The following RASGRF1 variants were observed in gnomAD, a reference collection of about 807,000 sequenced individuals.
RASGRF1 encodes the protein Ras protein specific guanine nucleotide releasing factor 1.
Under a neutral mutation model 138.7 loss-of-function variants are expected in RASGRF1, and 40 were observed. The ratio of observed to expected loss-of-function variants is 0.29; its 90% CI spans 0.22 to 0.38. The LOEUF (loss-of-function observed/expected upper bound fraction) is 0.38. RASGRF1 is among the 10% of genes least tolerant of loss of function. The pLI, the probability that RASGRF1 is intolerant of heterozygous loss-of-function variation, is 1.00. For synonymous variants in RASGRF1, 614 were observed against 663.2 expected (o/e 0.93, Z 1.14); for missense variants, 1,108 against 1,650.4 (o/e 0.67, Z 5.69).
At chr15:78,983,963 C>A (rs2056092733) in intron 23 of RASGRF1, among the ~76,000 whole-genome samples, 1 of 152,096 alleles carries the variant, frequency 6.6e-6, no homozygotes, top group Non-Finnish European at 1.5e-5. Context: ...GCTGGAGTGA[C>A]CAGAAGGTGA....
intron 26 of RASGRF1, among the ~76,000 whole-genome samples, chr15:78,962,900 A>G (rs950373801): frequency 1.3e-5 from 2 of 152,064 alleles, no homozygotes; most frequent in South Asian, 4.2e-4. Context: ...TAAAATAAAA[A>G]GTTTTATAAT....
intron 14 of RASGRF1, chr15:79,005,777 C>G (rs1352069864): frequency 3.0e-6 from 1 of 338,886 alleles, no homozygotes; most frequent in Admixed American, 1.2e-4. Flanking sequence ...CTTTATTTTT[C>G]TTTCTCCCTC....
chr15:79,064,812 A>G (rs2057655282), intron 1 of RASGRF1: 1 of 436,220 alleles, frequency 2.3e-6, no homozygotes, highest in African/African-American at 2.0e-5. Flanking sequence ...GTTTGAAATC[A>G]TCAGGCGCGC....
chr15:78,983,728 C>A (rs142508641), intron 23 of RASGRF1, among the ~76,000 whole-genome samples: 1 of 152,248 alleles, frequency 6.6e-6, no homozygotes, highest in African/African-American at 2.4e-5. Context: ...CTTGCCTCCA[C>A]GAGTTCATGA....
intron 21 of RASGRF1, 50 bp downstream of exon 21, chr15:78,991,641 G>A (rs60761584): frequency 1.4e-6 from 2 of 1,467,326 alleles, no homozygotes; most frequent in East Asian, 2.3e-5. Flanking sequence ...TGCTGTCCAA[G>A]ACAGTGCCTG....
At chr15:78,987,317 AG>A (rs1202313722) in intron 22 of RASGRF1, among the ~76,000 whole-genome samples, 1 of 123,222 alleles carries the variant, frequency 8.1e-6, no homozygotes, top group East Asian at 2.5e-4. Context: ...TTAGCACCCA[AG>A]GAATAAAAGA....
intron 13 of RASGRF1, among the ~76,000 whole-genome samples, chr15:79,012,843 T>C (rs2056821994): frequency 6.6e-6 from 1 of 152,100 alleles, no homozygotes; most frequent in African/African-American, 2.4e-5. Context: ...CCACCAGGCC[T>C]GGCTAATTTT....
At chr15:78,980,947 G>A in intron 23 of RASGRF1, 1 of 357,584 alleles carries the variant, frequency 2.8e-6, no homozygotes, top group Non-Finnish European at 5.1e-6. Flanking sequence ...AGGGACCTGA[G>A]TGTGGATTTG....
intron 2 of RASGRF1, among the ~76,000 whole-genome samples, chr15:79,059,225 TTCCCTTCCC>T: frequency 1.5e-5 from 1 of 66,120 alleles, no homozygotes; most frequent in Non-Finnish European, 2.8e-5. Flanking sequence ...TTCCCTATCC[TTCCCTTCCC>T]TTCCCTTCCC....
At chr15:79,047,874 G>A (rs2057375840) in intron 4 of RASGRF1, among the ~76,000 whole-genome samples, 1 of 152,210 alleles carries the variant, frequency 6.6e-6, no homozygotes, top group African/African-American at 2.4e-5. Flanking sequence ...TTCACTGAAA[G>A]GACCGCTGTC....
At chr15:78,971,100 G>A (rs16970374) in intron 26 of RASGRF1, among the ~76,000 whole-genome samples, 14,750 of 152,094 alleles carry the variant, frequency 0.097, 1,152 homozygotes, top group African/African-American at 0.2. Context: ...TGTCTACCCC[G>A]ACCAGGAAAA....
At chr15:78,990,932 C>T (rs765423293) in intron 21 of RASGRF1, among the ~76,000 whole-genome samples, 7 of 152,248 alleles carry the variant, frequency 4.6e-5, no homozygotes, top group Non-Finnish European at 8.8e-5. Flanking sequence ...CACGAGGCAG[C>T]ACCCATGCTG....
chr15:79,058,281 G>C, intron 3 of RASGRF1, 53 bp downstream of exon 3: 4 of 1,580,064 alleles, frequency 2.5e-6, no homozygotes, highest in Non-Finnish European at 3.4e-6. Context: ...CAGGAGCCCA[G>C]GGTTTGAGAT....
Position 79,050,727 on chromosome 15 carries a change from G to A in RASGRF1, c.532-1139C>T, listed in dbSNP as rs531403885. ...TACACCTTAAGCTGCACTGTGGCCA[G>A]GGGCCTCTGGGACTCATCCCATAGA... is the stretch of plus-strand genomic sequence containing the variant. On this transcript the variant is annotated intron_variant, in intron 3 of 26. Coordinates refer to ENST00000558480, the MANE Select transcript of RASGRF1 (RefSeq NM_001145648.3). This position sits in a 1 kb window ranked among gnomAD's most constrained non-coding sequence, Gnocchi z 4.1. Among the ~76,000 whole-genome samples, 1 of 152,344 alleles carries A rather than the reference G, an allele frequency of 6.6e-6. No individual in the cohort carries two copies. Among genetic ancestry groups the A allele is most frequent in the South Asian group, 2.1e-4 (1 of 4,820 alleles).
intron 1 of RASGRF1, among the ~76,000 whole-genome samples, chr15:79,075,903 T>A (rs565404165): frequency 6.6e-6 from 1 of 152,338 alleles, no homozygotes; most frequent in Non-Finnish European, 1.5e-5. Context: ...TGGTCTATTC[T>A]ATACACGTGG....
chr15:79,067,451 C>T (rs1304931752), intron 1 of RASGRF1, among the ~76,000 whole-genome samples: 1 of 152,190 alleles, frequency 6.6e-6, no homozygotes, highest in East Asian at 1.9e-4. Flanking sequence ...TTCATTTGTC[C>T]AAGGTCACTG....
At chr15:78,966,468 G>A (rs1391828198) in intron 26 of RASGRF1, among the ~76,000 whole-genome samples, 1 of 151,870 alleles carries the variant, frequency 6.6e-6, no homozygotes, top group Non-Finnish European at 1.5e-5. Flanking sequence ...TCAAACTTCT[G>A]GCCTCAAGCA....
intron 2 of RASGRF1, among the ~76,000 whole-genome samples, chr15:79,059,609 G>A (rs1287426793): frequency 2.0e-5 from 3 of 152,070 alleles, no homozygotes; most frequent in South Asian, 2.1e-4. Flanking sequence ...AGCTAGAGTC[G>A]GGCTCCAGCC....
intron 24 of RASGRF1, 59 bp downstream of exon 24, chr15:78,980,561 C>G: frequency 1.4e-6 from 2 of 1,404,370 alleles, no homozygotes; most frequent in Non-Finnish European, 2.0e-6. Flanking sequence ...CACGTGAATG[C>G]CTCTGCAATG....
Sources: allele counts gnomAD v4.1 joint callset (sites outside exome capture counted in the v4.1 genomes callset), GRCh38; gene constraint gnomAD v4.1.1; non-coding constraint Gnocchi (gnomAD v3.1); transcripts MANE v1.5; gene names NCBI Gene and HGNC (gene_info 2026-07-23, HGNC 2026-07-21).